The following CSGALNACT1 variants were observed in gnomAD, a reference collection of about 807,000 sequenced individuals.
CSGALNACT1 encodes the protein chondroitin sulfate N-acetylgalactosaminyltransferase 1.
A neutral mutation model predicts 51.0 loss-of-function variants in CSGALNACT1; 52 were observed. The ratio of observed to expected loss-of-function variants is 1.02; its 90% CI spans 0.82 to 1.29. CSGALNACT1 has a LOEUF of 1.29. Among genes scored for constraint, CSGALNACT1 ranks in the 50% most tolerant of loss-of-function variants. The pLI is 0.00. For missense variants in CSGALNACT1, 935 were observed against 679.2 expected (o/e 1.38, Z -4.19); for synonymous variants, 341 against 254.4 (o/e 1.34, Z -3.24).
At chr8:19,688,396 G>A (rs2061098001) in intron 1 of CSGALNACT1, among the ~76,000 whole-genome samples, 1 of 152,162 alleles carries the variant, frequency 6.6e-6, no homozygotes, top group African/African-American at 2.4e-5. Context: ...TAGACAAGTG[G>A]CCACACCCTG....
At chr8:19,740,514 G>C (rs1285465114) in intron 1 of CSGALNACT1, among the ~76,000 whole-genome samples, 2 of 152,240 alleles carry the variant, frequency 1.3e-5, no homozygotes, top group African/African-American at 4.8e-5. Context: ...TATCTTCAGA[G>C]TGAGGAGGAT....
upstream of CSGALNACT1, chr8:19,683,110 T>C (rs2060749673): frequency 4.6e-6 from 1 of 218,040 alleles, no homozygotes; most frequent in Non-Finnish European, 9.4e-6. Context: ...CATAATGGAA[T>C]GAAATGTCAG....
chr8:19,506,469 G>A (rs2077350090), intron 3 of CSGALNACT1, among the ~76,000 whole-genome samples: 1 of 152,136 alleles, frequency 6.6e-6, no homozygotes, highest in Non-Finnish European at 1.5e-5. Flanking sequence ...ATGGTTAAAG[G>A]GAGAAAAGCA....
upstream of CSGALNACT1, among the ~76,000 whole-genome samples, chr8:19,607,302 G>A (rs996432942): frequency 2.6e-5 from 4 of 152,134 alleles, no homozygotes; most frequent in African/African-American, 9.7e-5. Flanking sequence ...AGATATAAAT[G>A]ATAAGCTATT....
chr8:19,675,032 A>C (rs899231864), intron 1 of CSGALNACT1, among the ~76,000 whole-genome samples: 1 of 152,174 alleles, frequency 6.6e-6, no homozygotes, highest in East Asian at 1.9e-4. Flanking sequence ...ATCTAGATGA[A>C]GATACTGAGT....
At chr8:19,705,630 G>A (rs561110818) in intron 1 of CSGALNACT1, among the ~76,000 whole-genome samples, 4 of 152,144 alleles carry the variant, frequency 2.6e-5, no homozygotes, top group African/African-American at 9.6e-5. Context: ...CCAACTACTC[G>A]GAAGCCTGAG....
At chr8:19,517,373 G>C (rs2079762025) in intron 3 of CSGALNACT1, among the ~76,000 whole-genome samples, 1 of 152,198 alleles carries the variant, frequency 6.6e-6, no homozygotes, top group Non-Finnish European at 1.5e-5. Flanking sequence ...CTGGGAGGCA[G>C]AGGTTGCCGT....
intron 5 of CSGALNACT1, among the ~76,000 whole-genome samples, chr8:19,452,413 T>TC (rs2063333330): frequency 1.2e-5 from 1 of 80,422 alleles, no homozygotes; most frequent in African/African-American, 3.8e-5. Flanking sequence ...AACTAACCCC[T>TC]GGGGGAAAAA....
intron 3 of CSGALNACT1, among the ~76,000 whole-genome samples, chr8:19,547,492 C>T (rs910950155): frequency 6.6e-6 from 1 of 152,162 alleles, no homozygotes; most frequent in Non-Finnish European, 1.5e-5. Context: ...CTCACGAGAT[C>T]TAGTGGTTTT....
chr8:19,625,143 T>C (rs527646249), intron 1 of CSGALNACT1, among the ~76,000 whole-genome samples: 1 of 152,164 alleles, frequency 6.6e-6, no homozygotes, highest in African/African-American at 2.4e-5. Flanking sequence ...CAACCCTACC[T>C]AGATGGAGAG....
intron 4 of CSGALNACT1, among the ~76,000 whole-genome samples, chr8:19,458,993 T>G (rs1312739844): frequency 6.6e-6 from 1 of 152,216 alleles, no homozygotes; most frequent in African/African-American, 2.4e-5. Context: ...GTTTTTTTCT[T>G]TTCTTCTAGT....
intron 4 of CSGALNACT1, among the ~76,000 whole-genome samples, chr8:19,502,222 C>T (rs1337078089): frequency 6.6e-6 from 1 of 152,176 alleles, no homozygotes; most frequent in Non-Finnish European, 1.5e-5. Context: ...GGCAGAGCAT[C>T]TCTGAGAGAT....
intron 4 of CSGALNACT1, among the ~76,000 whole-genome samples, chr8:19,462,029 C>T (rs1417042858): frequency 6.6e-6 from 1 of 152,228 alleles, no homozygotes; most frequent in Non-Finnish European, 1.5e-5. Context: ...ACAGCAGCCA[C>T]ATTCGCCGTG....
intron 1 of CSGALNACT1, among the ~76,000 whole-genome samples, chr8:19,707,630 A>C (rs2062245588): frequency 1.0e-5 from 1 of 96,260 alleles, no homozygotes; most frequent in Non-Finnish European, 2.3e-5. Context: ...CAAGAGCTAC[A>C]CGCAATGGAA....
At chr8:19,460,433 G>A (rs758800364) in intron 4 of CSGALNACT1, among the ~76,000 whole-genome samples, 107 of 152,242 alleles carry the variant, frequency 7.0e-4, no homozygotes, top group Middle Eastern at 6.8e-3. Context: ...CAATAGCTAG[G>A]GTTCAGAACT....
intron 4 of CSGALNACT1, among the ~76,000 whole-genome samples, chr8:19,469,265 C>T (rs1014698767): frequency 3.9e-5 from 6 of 152,168 alleles, no homozygotes; most frequent in African/African-American, 1.2e-4. Context: ...GTGCTGTGCA[C>T]CTGTAGTCCC....
intron 3 of CSGALNACT1, among the ~76,000 whole-genome samples, chr8:19,537,241 T>C (rs1430385448): frequency 6.6e-6 from 1 of 152,132 alleles, no homozygotes; most frequent in Admixed American, 6.5e-5. Flanking sequence ...TCCCCCTCCT[T>C]CTTTGCAGTT....
chr8:19,404,746 C>A (rs184553312), exon 10 of CSGALNACT1: 1 of 454,534 alleles, frequency 2.2e-6, no homozygotes, highest in Admixed American at 2.3e-5. Context: ...GCGGTCCCTA[C>A]TTCTGAGGAG....
At chr8:19,709,703 G>T (rs916204001) in intron 1 of CSGALNACT1, among the ~76,000 whole-genome samples, 5 of 152,182 alleles carry the variant, frequency 3.3e-5, no homozygotes, top group African/African-American at 1.2e-4. Flanking sequence ...AGGGCATTAG[G>T]CACTATGGAG....
Sources: allele counts gnomAD v4.1 joint callset (sites outside exome capture counted in the v4.1 genomes callset), GRCh38; gene constraint gnomAD v4.1.1; transcripts MANE v1.5; gene names NCBI Gene and HGNC (gene_info 2026-07-23, HGNC 2026-07-21).